C1orf56: variants seen among roughly 807,000 people sequenced by gnomAD.
The protein encoded by C1orf56 is chromosome 1 open reading frame 56.
A neutral mutation model predicts 20.7 loss-of-function variants in C1orf56; 14 were observed. The ratio of observed to expected loss-of-function variants is 0.68; its 90% CI spans 0.45 to 1.06. C1orf56 has a LOEUF of 1.06. C1orf56 is among the 50% of genes least tolerant of loss of function. The pLI is 0.00. For missense variants in C1orf56, 424 were observed against 451.4 expected, an observed-to-expected ratio of 0.94 and a Z score of 0.55; for synonymous variants, 187 against 194.7, an observed-to-expected ratio of 0.96 and a Z score of 0.33.
At position 151,050,441 on chromosome 1, in the gene C1orf56, G is replaced by A; in HGVS notation, c.1009G>A (p.Asp337Asn). 6.2e-7 allele frequency: 1 copy of A among 1,609,672 alleles called. No individual in the cohort carries two copies. Among genetic ancestry groups the A allele is most frequent in the Non-Finnish European group, 8.5e-7 (1 of 1,178,390 alleles). ...TCTATTTTTTTTTCTTACGCAGATA[G>A]ACAGAAACCAGAGGTAATGGCCACT... is the stretch of plus-strand genomic sequence containing the variant. ...SSVFTEMQPI[D>N]RNQR The change falls in exon 2 of 2, where the codon GAC (aspartate) becomes AAC (asparagine). Residue 337 changes from aspartate to asparagine, a missense_variant. By Grantham distance (23) the Asp-to-Asn change is conservative. Transcript: ENST00000368926.
chr1:151,049,808 G>C (rs1311204482), intron 1 of C1orf56: 1 of 152,328 alleles, frequency 6.6e-6, no homozygotes, highest in Non-Finnish European at 1.5e-5. Context: ...TGGGATTACA[G>C]ACATGAGCCA....
In C1orf56 at chr1:151,048,180, T is replaced by C. The variant is rs780339613; in HGVS notation, c.333T>C (p.Val111=). 1 of 1,614,126 alleles carries C rather than the reference T, an allele frequency of 6.2e-7. No homozygotes were observed. Among genetic ancestry groups the C allele is most frequent in the South Asian group, 1.1e-5 (1 of 91,090 alleles). The change falls in exon 1 of 2, where the codon GTT becomes GTC. Residue 111 remains valine, a synonymous_variant. Transcript: ENST00000368926. This position sits in a 1 kb window ranked among gnomAD's most constrained non-coding sequence, Gnocchi z 4.8. ...AGGATGGGTCTTCAGAAGAGGGGGT[T>C]GTGATTAATGCCGGAAAGGATAGCA... ...NEEDGSSEEG[V]VINAGKDSTS...
In C1orf56 at chr1:151,050,309, ATAAG is replaced by A. The variant is rs754485895; in HGVS notation, c.1006-124_1006-121del. 47 of 802,380 alleles carry A rather than the reference ATAAG, an allele frequency of 5.9e-5. 1 individual carries two copies. Among genetic ancestry groups the A allele is most frequent in the South Asian group, 1.7e-4 (9 of 53,004 alleles). The allele number at this position is 802,380 out of a possible 1,614,324, so 49.7% of individuals were successfully genotyped here. On this transcript the variant is annotated intron_variant, in intron 1 of 1. Coordinates refer to ENST00000368926, the MANE Select transcript of C1orf56 (RefSeq NM_017860.5). ...TCCAATACCATTATTGCATACAAAA[ATAAG>A]TAAGGGGTGGGCAGTAGGGTTGAGG...
In C1orf56 at chr1:151,048,243, G is replaced by A. The variant is rs760287849; in HGVS notation, c.396G>A (p.Ala132=). The A allele has an allele frequency of 1.9e-6, 3 of 1,614,090 alleles. No individual in the cohort carries two copies. The highest frequency in any genetic ancestry group is 2.7e-5 in the African/African-American group (2 of 74,932). Residue 132 remains alanine, a synonymous_variant, in exon 1 of 2, where the codon GCG becomes GCA. Coordinates refer to ENST00000368926, the MANE Select transcript of C1orf56 (RefSeq NM_017860.5). This position sits in a 1 kb window ranked among gnomAD's most constrained non-coding sequence, Gnocchi z 4.8. ...RELPSATPNT[A]GSSSTRFIAN... ...TTCCCAGTGCGACTCCCAATACAGC[G>A]GGGAGTTCCAGCACGAGGTTTATAG...
In C1orf56 at chr1:151,047,995, A is replaced by G; in HGVS notation, c.148A>G (p.Ser50Gly). ...GGGCCCCATGACCCGCAGCTACCGGAGCACCGCCCGGACTGGTCTTCCCCG... is the reference window on the plus strand; with the variant it reads ...GGGCCCCATGACCCGCAGCTACCGGGGCACCGCCCGGACTGGTCTTCCCCG... ...FGGPMTRSYR[S>G]TARTGLPRKT... The change falls in exon 1 of 2, where the codon AGC becomes GGC. Residue 50 changes from serine (S) to glycine (G), a missense_variant. By Grantham distance (56) the Ser-to-Gly change is moderately conservative. Coordinates refer to ENST00000368926, the MANE Select transcript of C1orf56 (RefSeq NM_017860.5). The G allele has an allele frequency of 6.2e-7, 1 of 1,613,994 alleles. No homozygotes were observed. Among genetic ancestry groups the G allele is most frequent in the Non-Finnish European group, 8.5e-7 (1 of 1,179,990 alleles).
chr1:151,048,552 T>G lies in C1orf56; in HGVS notation c.705T>G (p.Val235=). Residue 235 remains valine (V), a synonymous_variant, in exon 1 of 2, where the codon GTT becomes GTG. Coordinates refer to ENST00000368926, the MANE Select transcript of C1orf56 (RefSeq NM_017860.5). This position sits in a 1 kb window ranked among gnomAD's most constrained non-coding sequence, Gnocchi z 4.8. ...KLHGLSGRLR[V]GALSQLRTEH... ...ACGGCCTTTCCGGGCGCCTTCGAGT[T>G]GGGGCGCTGAGCCAGCTCCGCACGG... 6.2e-7 allele frequency: 1 copy of G among 1,613,976 alleles called. No homozygotes were observed. The highest frequency in any genetic ancestry group is 1.1e-5 in the South Asian group (1 of 91,080).
At position 151,050,761 on chromosome 1, in the gene C1orf56, G is replaced by T. The variant is rs1452625138; in HGVS notation, c.*303G>T. The stretch of plus-strand genomic sequence containing the variant: ...TTTAAAACAAGTACTTCTTTTACAG[G>T]CTTGAAAAATCTCAAATAAACGCTA... On this transcript the variant is annotated 3_prime_UTR_variant, in exon 2 of 2. Transcript: ENST00000368926. 1 of 289,590 alleles carries T rather than the reference G, an allele frequency of 3.5e-6. No individual in the cohort carries two copies. Among genetic ancestry groups the T allele is most frequent in the Non-Finnish European group, 6.4e-6 (1 of 157,022 alleles). 17.9% of individuals were successfully genotyped at this position (289,590 alleles called of 1,614,324 possible).
At position 151,048,063 on chromosome 1, in the gene C1orf56, C is replaced by G. The variant is rs756073308; in HGVS notation, c.216C>G (p.Ala72=). ...TAGAGGACGAGAATGATGCCATGGC[C>G]GACGCCGACCGCCTGGCTGGACCAG... ...IILEDENDAM[A]DADRLAGPAA... The change falls in exon 1 of 2, where the codon GCC becomes GCG. Residue 72 remains alanine (A), a synonymous_variant. Coordinates refer to ENST00000368926, the MANE Select transcript of C1orf56 (RefSeq NM_017860.5). The surrounding 1 kb of genome is among the most constrained non-coding windows in gnomAD (Gnocchi z 4.8). 1 of 1,614,102 alleles carries G rather than the reference C, an allele frequency of 6.2e-7. No individual in the cohort carries two copies. Among genetic ancestry groups the G allele is most frequent in the Non-Finnish European group, 8.5e-7 (1 of 1,180,006 alleles).
At chr1:151,049,271 G>A (rs1676126860) in intron 1 of C1orf56, among the ~76,000 whole-genome samples, 1 of 136,568 alleles carries the variant, frequency 7.3e-6, no homozygotes. Context: ...CCACCACCAT[G>A]CCCGGCTAAT....
rs775411831 is a variant in C1orf56 at position 151,048,594 on chromosome 1, C to T, written c.747C>T (p.Thr249=). The change falls in exon 1 of 2, where the codon ACC becomes ACT. Residue 249 remains threonine, a synonymous_variant. Transcript: ENST00000368926. This position sits in a 1 kb window ranked among gnomAD's most constrained non-coding sequence, Gnocchi z 4.8. ...SQLRTEHKPC[T]YQQCPCNRLR... ...TCCGCACGGAGCACAAGCCTTGCAC[C>T]TATCAACAATGTCCCTGCAACCGAC... is the stretch of plus-strand genomic sequence containing the variant. 2 of 1,614,250 alleles carry T rather than the reference C, an allele frequency of 1.2e-6. No homozygotes were observed. The highest frequency in any genetic ancestry group is 1.7e-6 in the Non-Finnish European group (2 of 1,180,048).
intron 1 of C1orf56, among the ~76,000 whole-genome samples, 186 bp from the exon 2 acceptor site, chr1:151,050,252 A>G (rs1571849204): frequency 6.6e-6 from 1 of 152,256 alleles, no homozygotes; most frequent in East Asian, 1.9e-4. Flanking sequence ...ACACTTGGTC[A>G]TTTTGCTTGT....
In C1orf56 at chr1:151,048,192, C is replaced by A; in HGVS notation, c.345C>A (p.Ala115=). ...GSSEEGVVIN[A]GKDSTSRELP... ...CAGAAGAGGGGGTTGTGATTAATGCCGGAAAGGATAGCACCAGCAGAGAGC... is the reference window on the plus strand; with the variant it reads ...CAGAAGAGGGGGTTGTGATTAATGCAGGAAAGGATAGCACCAGCAGAGAGC... Residue 115 remains alanine, a synonymous_variant, in exon 1 of 2, where the codon GCC becomes GCA. Transcript: ENST00000368926. This position sits in a 1 kb window ranked among gnomAD's most constrained non-coding sequence, Gnocchi z 4.8. 6.2e-7 allele frequency: 1 copy of A among 1,614,198 alleles called. No individual in the cohort carries two copies. The highest frequency in any genetic ancestry group is 8.5e-7 in the Non-Finnish European group (1 of 1,180,038).
chr1:151,048,203 GC>G lies in C1orf56; in HGVS notation c.357del (p.Ser119ArgfsTer22). ...GTTGTGATTAATGCCGGAAAGGATA[GC>G]ACCAGCAGAGAGCTTCCCAGTGCGA... is the stretch of plus-strand genomic sequence containing the variant. ...EGVVINAGKD[S>X]TSRELPSATP... On this transcript the variant is annotated frameshift_variant, in exon 1 of 2. Transcript: ENST00000368926. LOFTEE classifies it high-confidence loss of function. This position sits in a 1 kb window ranked among gnomAD's most constrained non-coding sequence, Gnocchi z 4.8. 1 of 1,614,220 alleles carries G rather than the reference GC, an allele frequency of 6.2e-7. No individual in the cohort carries two copies. The highest frequency in any genetic ancestry group is 8.5e-7 in the Non-Finnish European group (1 of 1,180,048).
chr1:151,048,411 C>G lies in C1orf56; in HGVS notation c.564C>G (p.Pro188=). The change falls in exon 1 of 2, where the codon CCC becomes CCG. Residue 188 remains proline, a synonymous_variant. Transcript: ENST00000368926. This position sits in a 1 kb window ranked among gnomAD's most constrained non-coding sequence, Gnocchi z 4.8. ...PGSTPSRWPS[P]SPTAMPSPED... ...CTACCCCGAGCCGGTGGCCGTCACC[C>G]TCACCCACAGCCATGCCATCTCCTG... The G allele has an allele frequency of 6.8e-6, 11 of 1,610,980 alleles. No homozygotes were observed. Among genetic ancestry groups the G allele is most frequent in the Non-Finnish European group, 9.3e-6 (11 of 1,179,978 alleles).
chr1:151,050,438 A>G lies in C1orf56; in HGVS notation c.1006A>G (p.Ile336Val), dbSNP rs377052455. ...TTCTCTATTTTTTTTTCTTACGCAGATAGACAGAAACCAGAGGTAATGGCC... is the reference window on the plus strand; with the variant it reads ...TTCTCTATTTTTTTTTCTTACGCAGGTAGACAGAAACCAGAGGTAATGGCC... ...LSSVFTEMQP[I>V]DRNQR Residue 336 changes from isoleucine to valine, a missense_variant and splice_region_variant, in exon 2 of 2, where the codon ATA becomes GTA. Transcript: ENST00000368926. The G allele has an allele frequency of 2.5e-5, 40 of 1,609,756 alleles. No individual in the cohort carries two copies. The African/African-American group carries it at 3.9e-4, about 16-fold the overall frequency.
rs747393568 is a variant in C1orf56, at chr1:151,048,484, T to A, written c.637T>A (p.Cys213Ser). ...GCCCTGGGGCCCGTGGCACTGCCAC[T>A]GCAAGTCGGGCACCATGAGCCGGAG... ...LMPWGPWHCH[C>S]KSGTMSRSRS... The change falls in exon 1 of 2, where the codon TGC becomes AGC. Residue 213 changes from cysteine (C) to serine (S), a missense_variant. Transcript: ENST00000368926. The surrounding 1 kb of genome is among the most constrained non-coding windows in gnomAD (Gnocchi z 4.8). 1 of 1,609,380 alleles carries A rather than the reference T, an allele frequency of 6.2e-7. No individual in the cohort carries two copies.
In C1orf56 at chr1:151,050,681, C is replaced by G. The variant is rs776547162; in HGVS notation, c.*223C>G. 2.4e-6 allele frequency: 1 copy of G among 424,196 alleles called. No homozygotes were observed. Among genetic ancestry groups the G allele is most frequent in the East Asian group, 3.5e-5 (1 of 28,940 alleles). 26.3% of individuals were successfully genotyped at this position (424,196 alleles called of 1,614,324 possible). A position where few individuals can be genotyped will look rare whatever the true frequency, so the allele number is the denominator to read the frequency against. ...CAGCCTCTGGCTTGTTTTCTACTCC[C>G]TGTCCCTCAGGATAAAATGTTGATA... On this transcript the variant is annotated 3_prime_UTR_variant, in exon 2 of 2. Coordinates refer to ENST00000368926, the MANE Select transcript of C1orf56 (RefSeq NM_017860.5).
chr1:151,048,124 G>A lies in C1orf56; in HGVS notation c.277G>A (p.Gly93Ser), dbSNP rs1676097493. Residue 93 changes from glycine (G) to serine (S), a missense_variant, in exon 1 of 2, where the codon GGC becomes AGC. By Grantham distance (56) the Gly-to-Ser change is moderately conservative. Transcript: ENST00000368926. The surrounding 1 kb of genome is among the most constrained non-coding windows in gnomAD (Gnocchi z 4.8). The stretch of plus-strand genomic sequence containing the variant: ...GCTCTTGGCCGCCACGGTGTCCACC[G>A]GCTTTAGCCGGTCGTCCGCCATTAA... ...AELLAATVST[G>S]FSRSSAINEE... 1 of 1,613,324 alleles carries A rather than the reference G, an allele frequency of 6.2e-7. No individual in the cohort carries two copies. The highest frequency in any genetic ancestry group is 1.3e-5 in the African/African-American group (1 of 74,956).
At chr1:151,050,169 C>G (rs1294825921) in intron 1 of C1orf56, among the ~76,000 whole-genome samples, 1 of 152,204 alleles carries the variant, frequency 6.6e-6, no homozygotes, top group Non-Finnish European at 1.5e-5. Flanking sequence ...AGCAAAGGTT[C>G]TGATTGACTT....
Sources: gnomAD v4.1 joint callset for allele counts (sites outside exome capture counted in the v4.1 genomes callset) on GRCh38, gnomAD v4.1.1 for gene constraint, Gnocchi (gnomAD v3.1) non-coding constraint, MANE v1.5 for transcripts, NCBI Gene and HGNC (gene_info 2026-07-23, HGNC 2026-07-21) for gene names.